ARHGAP8: variants seen among roughly 807,000 people sequenced by gnomAD.
The protein encoded by ARHGAP8 is Rho GTPase activating protein 8.
ARHGAP8 carries 62 observed loss-of-function variants against 46.1 expected under a neutral mutation model. The observed-to-expected ratio is 1.34, with a 90% confidence interval of 1.10 to 1.66. ARHGAP8 has a LOEUF of 1.66. ARHGAP8 is among the 40% of genes most tolerant of loss of function. The pLI, the probability that ARHGAP8 is intolerant of heterozygous loss-of-function variation, is 0.00. For synonymous variants in ARHGAP8, 375 were observed against 243.1 expected, an observed-to-expected ratio of 1.54 and a Z score of -5.05; for missense variants, 923 against 568.4, an observed-to-expected ratio of 1.62 and a Z score of -6.34.
chr22:44,822,988 G>A (rs904926303), intron 6 of ARHGAP8, among the ~76,000 whole-genome samples: 11 of 152,226 alleles, frequency 7.2e-5, no homozygotes, highest in African/African-American at 1.9e-4. Flanking sequence ...AGTACAGGGC[G>A]CGGCCAGATC....
chr22:44,770,028 GAGGTCAGGAGTT>G (rs1925881535), intron 1 of ARHGAP8, among the ~76,000 whole-genome samples: 1 of 152,078 alleles, frequency 6.6e-6, no homozygotes, highest in Non-Finnish European at 1.5e-5. Context: ...GGTGGATCAC[GAGGTCAGGAGTT>G]TGAGACCATC....
intron 1 of ARHGAP8, among the ~76,000 whole-genome samples, chr22:44,770,924 C>G (rs1602151620): frequency 6.6e-6 from 1 of 152,174 alleles, no homozygotes; most frequent in Non-Finnish European, 1.5e-5. Flanking sequence ...TAAACTTCCC[C>G]AGAGTCAGCT....
Position 44,862,262 on chromosome 22 carries a change from T to C in ARHGAP8, c.982-13T>C. On this transcript the variant is annotated splice_polypyrimidine_tract_variant and intron_variant, in intron 11 of 11. Transcript: ENST00000356099. ...GTGTTCACTCCCCTTTACTTGTGTGTGGTTTCCTCCAGGTGTCCCGGGAGA... is the reference window on the plus strand; with the variant it reads ...GTGTTCACTCCCCTTTACTTGTGTGCGGTTTCCTCCAGGTGTCCCGGGAGA... 2.5e-6 allele frequency: 4 copies of C among 1,577,760 alleles called. No individual in the cohort carries two copies. Among genetic ancestry groups the C allele is most frequent in the Non-Finnish European group, 3.5e-6 (4 of 1,157,326 alleles).
chr22:44,861,379 A>C (rs1043396043), intron 11 of ARHGAP8, among the ~76,000 whole-genome samples: 10 of 152,184 alleles, frequency 6.6e-5, no homozygotes, highest in African/African-American at 1.9e-4. Context: ...TTATCACCCC[A>C]GTGGCACCTG....
At chr22:44,854,024 CAAAAAAAAAAAAAAAAAAAAAAAA>C (rs71315119) in intron 10 of ARHGAP8, among the ~76,000 whole-genome samples, 56 of 43,282 alleles carry the variant, frequency 1.3e-3, no homozygotes, top group Non-Finnish European at 1.6e-3. Flanking sequence ...GACTCTGTCT[CAAAAAAAAAAAAAAAAAAAAAAAA>C]AAAAAAAAAA....
rs527461702 is a variant in ARHGAP8, at chr22:44,780,585, C to G, written c.-71-5872C>G. 3.6e-3 allele frequency among the ~76,000 whole-genome samples: 532 copies of G among 149,784 alleles called. 1 individual carries two copies. Among genetic ancestry groups the G allele is most frequent in the African/African-American group, 0.013 (517 of 39,438 alleles). Reference sequence around the variant, plus strand: ...GCTGAGGCAGGAGAATCTACTGAACCAGGGAGGCGGAGGTTGCATTGAGCC... The same window carrying G: ...GCTGAGGCAGGAGAATCTACTGAACGAGGGAGGCGGAGGTTGCATTGAGCC... On this transcript the variant is annotated intron_variant, in intron 1 of 11. Coordinates refer to ENST00000356099, the MANE Select transcript of ARHGAP8 (RefSeq NM_181335.3).
intron 3 of ARHGAP8, among the ~76,000 whole-genome samples, chr22:44,806,521 G>C (rs1196596376): frequency 6.6e-6 from 1 of 152,184 alleles, no homozygotes; most frequent in African/African-American, 2.4e-5. Flanking sequence ...ATTCACCTCT[G>C]TGAGTCTCAG....
intron 11 of ARHGAP8, 65 bp downstream of exon 11, chr22:44,859,899 A>G (rs2882262): frequency 0.24 from 380,741 of 1,562,868 alleles, 48,800 homozygotes; most frequent in Admixed American, 0.29. Context: ...CTGGGCCCGC[A>G]TGGACCAGTC....
At chr22:44,861,096 C>G (rs540240533) in intron 11 of ARHGAP8, among the ~76,000 whole-genome samples, 99 of 152,286 alleles carry the variant, frequency 6.5e-4, no homozygotes, top group African/African-American at 2.2e-3. Flanking sequence ...CCCAGCCTCC[C>G]ACGTAGCTGG....
At chr22:44,775,073 C>T (rs1484363480) in intron 1 of ARHGAP8, among the ~76,000 whole-genome samples, 1 of 152,212 alleles carries the variant, frequency 6.6e-6, no homozygotes, top group Non-Finnish European at 1.5e-5. Context: ...TTCAGTTGAT[C>T]CACCTGCCTC....
chr22:44,813,753 A>C (rs1929533574), intron 4 of ARHGAP8, among the ~76,000 whole-genome samples: 1 of 150,674 alleles, frequency 6.6e-6, no homozygotes, highest in African/African-American at 2.4e-5. Context: ...ACCTACATAC[A>C]CACCTATATA....
In ARHGAP8 at chr22:44,786,476, G is replaced by C; in HGVS notation, c.-52G>C. 6.2e-7 allele frequency: 1 copy of C among 1,607,112 alleles called. No individual in the cohort carries two copies. Among genetic ancestry groups the C allele is most frequent in the Non-Finnish European group, 8.5e-7 (1 of 1,177,216 alleles). On this transcript the variant is annotated 5_prime_UTR_variant, in exon 2 of 12. Transcript: ENST00000356099. The stretch of plus-strand genomic sequence containing the variant: ...CCGCAGAGCTGCAGAGAGACAAGGC[G>C]GCGGCGGCTGCTGTGCTGGGTGCAG...
intron 7 of ARHGAP8, among the ~76,000 whole-genome samples, chr22:44,830,220 T>A (rs1341535414): frequency 6.6e-6 from 1 of 152,064 alleles, no homozygotes; most frequent in Non-Finnish European, 1.5e-5. Flanking sequence ...GACGGGGTTT[T>A]GCCGTGTTGG....
intron 5 of ARHGAP8, among the ~76,000 whole-genome samples, chr22:44,819,402 TG>T (rs1929971078): frequency 6.6e-6 from 1 of 152,136 alleles, no homozygotes; most frequent in Non-Finnish European, 1.5e-5. Context: ...CTGGGCGTGG[TG>T]GCTCACCCCT....
chr22:44,766,430 G>A (rs938398030), intron 1 of ARHGAP8, among the ~76,000 whole-genome samples: 1 of 152,064 alleles, frequency 6.6e-6, no homozygotes, highest in East Asian at 1.9e-4. Context: ...CTGTGCACAC[G>A]TGTGTCTTTG....
At chr22:44,849,237 C>T in intron 10 of ARHGAP8, 177 bp downstream of exon 10, 3 of 1,210,924 alleles carry the variant, frequency 2.5e-6, no homozygotes, top group Non-Finnish European at 3.4e-6. Flanking sequence ...CCACCATGCA[C>T]AGCCAGTCCA....
At chr22:44,802,510 C>A (rs534563371) in intron 3 of ARHGAP8, among the ~76,000 whole-genome samples, 1 of 152,212 alleles carries the variant, frequency 6.6e-6, no homozygotes, top group Non-Finnish European at 1.5e-5. Context: ...AGGCCTCCCC[C>A]ACGCACTGTC....
intron 5 of ARHGAP8, among the ~76,000 whole-genome samples, chr22:44,815,722 T>G (rs1374260034): frequency 6.6e-6 from 1 of 152,146 alleles, no homozygotes; most frequent in African/African-American, 2.4e-5. Flanking sequence ...GCCTCAGTAT[T>G]GGGAAGCAAG....
chr22:44,761,747 G>A (rs1488217154), intron 1 of ARHGAP8, among the ~76,000 whole-genome samples: 2 of 152,182 alleles, frequency 1.3e-5, no homozygotes, highest in East Asian at 1.9e-4. Flanking sequence ...AGACACACCC[G>A]AGACTGGGTA....
Sources: allele counts gnomAD v4.1 joint callset (sites outside exome capture counted in the v4.1 genomes callset), GRCh38; gene constraint gnomAD v4.1.1; transcripts MANE v1.5; gene names NCBI Gene and HGNC (gene_info 2026-07-23, HGNC 2026-07-21).